SPOCK1: variants seen among roughly 807,000 people sequenced by gnomAD.
The protein encoded by SPOCK1 is testican-1.
SPOCK1 carries 23 observed loss-of-function variants against 55.3 expected under a neutral mutation model. The ratio of observed to expected loss-of-function variants is 0.42; its 90% CI spans 0.30 to 0.59. The LOEUF (loss-of-function observed/expected upper bound fraction) is 0.59, where lower values mean the gene tolerates loss of function less well. SPOCK1 is among the 20% of genes least tolerant of loss of function. SPOCK1 has a pLI of 0.22. For missense variants in SPOCK1, 499 were observed against 552.5 expected, an observed-to-expected ratio of 0.90 and a Z score of 0.97; for synonymous variants, 226 against 221.0, an observed-to-expected ratio of 1.02 and a Z score of -0.20.
chr5:137,243,032 A>G (rs1468252531), intron 3 of SPOCK1, among the ~76,000 whole-genome samples: 5 of 152,210 alleles, frequency 3.3e-5, no homozygotes, highest in Non-Finnish European at 7.3e-5. Context: ...TCCTGAACCA[A>G]CTGAATTTAT....
chr5:137,160,624 T>TTATATATTA (rs1208449441), intron 3 of SPOCK1, among the ~76,000 whole-genome samples: 1 of 69,340 alleles, frequency 1.4e-5, no homozygotes, highest in East Asian at 6.1e-4. Flanking sequence ...AATATATATT[T>TTATATATTA]TATATAATAT....
intron 3 of SPOCK1, among the ~76,000 whole-genome samples, chr5:137,217,315 A>G (rs1755737092): frequency 1.3e-5 from 2 of 152,230 alleles, no homozygotes; most frequent in Non-Finnish European, 1.5e-5. Flanking sequence ...CTCTTCTTGC[A>G]GAGGCCCCTG....
chr5:137,215,435 A>G (rs181735553), intron 3 of SPOCK1, among the ~76,000 whole-genome samples: 2 of 152,282 alleles, frequency 1.3e-5, no homozygotes, highest in Admixed American at 6.5e-5. Flanking sequence ...TTGAGGGACA[A>G]GAGGAAAAGC....
intron 2 of SPOCK1, among the ~76,000 whole-genome samples, chr5:137,343,434 C>G (rs1434515882): frequency 6.6e-6 from 1 of 152,196 alleles, no homozygotes; most frequent in Non-Finnish European, 1.5e-5. Context: ...AAGCTCAACA[C>G]TCCCATTCAA....
intron 2 of SPOCK1, among the ~76,000 whole-genome samples, chr5:137,376,540 G>A (rs1751322586): frequency 2.0e-5 from 3 of 152,216 alleles, no homozygotes; most frequent in Non-Finnish European, 4.4e-5. Context: ...AGGGATGGGG[G>A]CAGAGGGGGG....
At chr5:137,160,558 T>TGTATATA (rs1491439850) in intron 3 of SPOCK1, among the ~76,000 whole-genome samples, 17 of 57,286 alleles carry the variant, frequency 3.0e-4, no homozygotes, top group African/African-American at 1.3e-3. Context: ...TAATATATAT[T>TGTATATA]ATATATTATA....
chr5:137,399,866 A>G (rs1751937746), intron 2 of SPOCK1, among the ~76,000 whole-genome samples: 1 of 152,198 alleles, frequency 6.6e-6, no homozygotes, highest in Non-Finnish European at 1.5e-5. Flanking sequence ...GGCAGACTCC[A>G]CTATTTGACA....
At chr5:137,052,496 A>G (rs2126998379) in intron 6 of SPOCK1, among the ~76,000 whole-genome samples, 1 of 152,368 alleles carries the variant, frequency 6.6e-6, no homozygotes, top group African/African-American at 2.4e-5. Context: ...GACTTACAGT[A>G]TACAAGCCAT....
intron 4 of SPOCK1, among the ~76,000 whole-genome samples, chr5:137,128,877 T>C (rs562476891): frequency 6.6e-6 from 1 of 152,330 alleles, no homozygotes; most frequent in East Asian, 1.9e-4. Context: ...CTAGATTAGA[T>C]TATACACATT....
intron 3 of SPOCK1, 53 bp from the exon 4 acceptor site, chr5:137,140,747 AT>A (rs11309240): frequency 0.19 from 68,105 of 349,734 alleles, 1,315 homozygotes; most frequent in African/African-American, 0.25. Context: ...GGGAAATTTA[AT>A]TTTTTTTTTT....
At chr5:137,472,543 T>C (rs1194040823) in intron 2 of SPOCK1, among the ~76,000 whole-genome samples, 2 of 152,222 alleles carry the variant, frequency 1.3e-5, no homozygotes, top group African/African-American at 2.4e-5. Context: ...AAGGGGAGTG[T>C]AATTTGGCAA....
chr5:136,993,242 GCAGA>G (rs945347940), intron 6 of SPOCK1: 3 of 152,264 alleles, frequency 2.0e-5, no homozygotes, highest in Non-Finnish European at 2.9e-5. Flanking sequence ...AATCACTGGG[GCAGA>G]CAGATACTCC....
intron 2 of SPOCK1, among the ~76,000 whole-genome samples, chr5:137,281,636 C>T (rs1757167407): frequency 6.6e-6 from 1 of 152,218 alleles, no homozygotes; most frequent in African/African-American, 2.4e-5. Flanking sequence ...ACCCACAAGG[C>T]GGTGACAGCT....
At chr5:137,481,740 G>C (rs1753954446) in intron 2 of SPOCK1, among the ~76,000 whole-genome samples, 1 of 152,324 alleles carries the variant, frequency 6.6e-6, no homozygotes. Context: ...AGGTCTGTGT[G>C]AGCACCTCAA....
intron 3 of SPOCK1, among the ~76,000 whole-genome samples, chr5:137,164,967 G>A (rs957376664): frequency 6.6e-6 from 1 of 152,220 alleles, no homozygotes; most frequent in Admixed American, 6.5e-5. Flanking sequence ...TGGCACCTCT[G>A]GACCTGCCCA....
chr5:137,427,152 C>A (rs1292029701), intron 2 of SPOCK1, among the ~76,000 whole-genome samples: 1 of 152,182 alleles, frequency 6.6e-6, no homozygotes, highest in Non-Finnish European at 1.5e-5. Flanking sequence ...AGAGCAGCTG[C>A]CCCCAGTAGC....
At chr5:137,299,587 C>A (rs1405831871) in intron 2 of SPOCK1, among the ~76,000 whole-genome samples, 1 of 151,980 alleles carries the variant, frequency 6.6e-6, no homozygotes, top group Non-Finnish European at 1.5e-5. Flanking sequence ...TATAGTTTTG[C>A]TGGTGAAAAA....
At chr5:137,434,017 A>G (rs965409471) in intron 2 of SPOCK1, among the ~76,000 whole-genome samples, 6 of 152,262 alleles carry the variant, frequency 3.9e-5, no homozygotes, top group Non-Finnish European at 1.5e-5. Context: ...CTGCAACAGC[A>G]ATTTTAGTGA....
At chr5:137,416,115 A>AT (rs1752322085) in intron 2 of SPOCK1, among the ~76,000 whole-genome samples, 1 of 152,104 alleles carries the variant, frequency 6.6e-6, no homozygotes, top group Non-Finnish European at 1.5e-5. Context: ...AAAAGAACAC[A>AT]TTTCTTGCTG....
Sources: allele counts gnomAD v4.1 joint callset (sites outside exome capture counted in the v4.1 genomes callset), GRCh38; gene constraint gnomAD v4.1.1; transcripts MANE v1.5; gene names NCBI Gene and HGNC (gene_info 2026-07-23, HGNC 2026-07-21).